ADARB1: variants seen among roughly 807,000 people sequenced by gnomAD.
The protein encoded by ADARB1 is adenosine deaminase RNA specific B1.
In ADARB1, 10 loss-of-function variants were observed where a neutral mutation model predicts 52.4. That is an observed-to-expected ratio of 0.19 (90% CI 0.12 to 0.32). ADARB1 has a LOEUF of 0.32. Among genes scored for constraint, ADARB1 ranks in the 10% least tolerant of loss-of-function variants. ADARB1 has a pLI of 1.00. For synonymous variants in ADARB1, 349 were observed against 371.1 expected (o/e 0.94, Z 0.68); for missense variants, 643 against 922.3 (o/e 0.70, Z 3.92).
intron 4 of ADARB1, 83 bp from the exon 5 acceptor site, chr21:45,180,247 G>A (rs2091880380): frequency 3.1e-6 from 3 of 959,022 alleles, no homozygotes; most frequent in Non-Finnish European, 5.0e-6. Flanking sequence ...ACTCCATAAG[G>A]GAGAGTGCGT....
chr21:45,097,558 T>C (rs1033655370), intron 1 of ADARB1, among the ~76,000 whole-genome samples: 7 of 152,016 alleles, frequency 4.6e-5, no homozygotes, highest in African/African-American at 1.5e-4. Flanking sequence ...GAGGGGCCGC[T>C]GTCCAGGCAG....
At chr21:45,175,664 A>T in intron 3 of ADARB1, 66 bp from the exon 4 acceptor site, 6 of 1,508,688 alleles carry the variant, frequency 4.0e-6, no homozygotes, top group Non-Finnish European at 5.5e-6. Flanking sequence ...AAAGGAATCT[A>T]TAAATTTTGC....
chr21:45,127,947 A>C (rs1166948765), intron 1 of ADARB1, among the ~76,000 whole-genome samples: 1 of 152,242 alleles, frequency 6.6e-6, no homozygotes, highest in Non-Finnish European at 1.5e-5. Flanking sequence ...CCTCTGCTTC[A>C]GAAGCAGAGG....
At chr21:45,101,403 TC>T (rs1393596224) in intron 1 of ADARB1, among the ~76,000 whole-genome samples, 1 of 152,236 alleles carries the variant, frequency 6.6e-6, no homozygotes, top group Non-Finnish European at 1.5e-5. Context: ...AGAGGATCTC[TC>T]CAGACACCTA....
chr21:45,215,808 CATTTT>C (rs940169257), intron 9 of ADARB1, among the ~76,000 whole-genome samples: 2 of 152,146 alleles, frequency 1.3e-5, no homozygotes, highest in Non-Finnish European at 2.9e-5. Context: ...ATTGGGCTAT[CATTTT>C]AGTTTAATGT....
In ADARB1 at chr21:45,087,017, A is replaced by T. The variant is rs528863931; in HGVS notation, c.-220+12224A>T. Among the ~76,000 whole-genome samples the T allele has an allele frequency of 3.9e-5, 6 of 152,322 alleles. No homozygotes were observed. The South Asian group carries it at 1.2e-3, about 32-fold the overall frequency. ...ATAATGTCGAGCAGAAGCTATTAGC[A>T]TTTCTTAAGCTGACCACCTGTGTTG... On this transcript the variant is annotated intron_variant, in intron 1 of 10. Coordinates refer to ENST00000348831, the MANE Select transcript of ADARB1 (RefSeq NM_001112.4).
At chr21:45,195,224 A>C (rs1345241046) in intron 8 of ADARB1, among the ~76,000 whole-genome samples, 1 of 152,016 alleles carries the variant, frequency 6.6e-6, no homozygotes, top group Non-Finnish European at 1.5e-5. Context: ...TGTCTGTTAA[A>C]TTTTTTTGGC....
chr21:45,225,842 G>A lies in ADARB1; in HGVS notation c.*3645G>A, dbSNP rs144872642. ...GTAAGTGGAAAGGGCATTGTGTTCC[G>A]TGTGTGTCCAGTTTACAGCGTCTCT... On this transcript the variant is annotated 3_prime_UTR_variant, in exon 11 of 11. Coordinates refer to ENST00000348831, the MANE Select transcript of ADARB1 (RefSeq NM_001112.4). 7.1e-5 allele frequency: 25 copies of A among 350,810 alleles called. No homozygotes were observed. Among genetic ancestry groups the A allele is most frequent in the Admixed American group, 1.9e-4 (4 of 21,208 alleles). The allele number at this position is 350,810 out of a possible 1,614,324, so 21.7% of individuals were successfully genotyped here.
intron 5 of ADARB1, 79 bp downstream of exon 5, chr21:45,180,523 C>G: frequency 9.7e-6 from 11 of 1,135,594 alleles, no homozygotes; most frequent in Non-Finnish European, 1.3e-5. Context: ...CGACAAAAAC[C>G]ACTGTGCCAC....
At chr21:45,191,842 T>A (rs1308169425) in intron 8 of ADARB1, among the ~76,000 whole-genome samples, 1 of 138,384 alleles carries the variant, frequency 7.2e-6, no homozygotes, top group African/African-American at 2.8e-5. Context: ...AGTGAAAACA[T>A]CCAGTCCATA....
intron 8 of ADARB1, among the ~76,000 whole-genome samples, chr21:45,203,007 G>A (rs1188596801): frequency 6.6e-6 from 1 of 151,836 alleles, no homozygotes; most frequent in Non-Finnish European, 1.5e-5. Context: ...CCTGCAGCGT[G>A]TGCCACACTG....
chr21:45,125,239 T>TGCAA (rs1246928793), intron 1 of ADARB1, among the ~76,000 whole-genome samples: 1 of 152,244 alleles, frequency 6.6e-6, no homozygotes, highest in African/African-American at 2.4e-5. Context: ...TCTTGCCGCC[T>TGCAA]GATGACCCAT....
intron 1 of ADARB1, among the ~76,000 whole-genome samples, chr21:45,113,149 G>C (rs994171556): frequency 1.3e-5 from 2 of 152,158 alleles, no homozygotes; most frequent in African/African-American, 2.4e-5. Flanking sequence ...AAATGGCCAG[G>C]CTCGGTGGCT....
intron 1 of ADARB1, among the ~76,000 whole-genome samples, chr21:45,126,064 T>A (rs1420397305): frequency 6.6e-6 from 1 of 152,256 alleles, no homozygotes. Flanking sequence ...GTGATTATTT[T>A]CTTTTGTCTA....
intron 1 of ADARB1, among the ~76,000 whole-genome samples, chr21:45,099,653 T>C (rs533274380): frequency 6.6e-6 from 1 of 152,232 alleles, no homozygotes; most frequent in South Asian, 2.1e-4. Context: ...AAATAAAAAA[T>C]AAAAATTTAC....
At chr21:45,199,078 G>T (rs1359665344) in intron 8 of ADARB1, among the ~76,000 whole-genome samples, 1 of 152,158 alleles carries the variant, frequency 6.6e-6, no homozygotes, top group Non-Finnish European at 1.5e-5. Context: ...CTGGTGATCA[G>T]GCCTGCCTGT....
rs1185333510 is a variant in ADARB1, at chr21:45,225,684, TCAAA to T, written c.*3490_*3493del. Reference sequence around the variant, plus strand: ...CATGTACAGTGGCTCTTTTTCCTTCTCAAACACTTTACCCCAGAAGCAGGTGGTC... The same window carrying T: ...CATGTACAGTGGCTCTTTTTCCTTCTCACTTTACCCCAGAAGCAGGTGGTC... On this transcript the variant is annotated 3_prime_UTR_variant, in exon 11 of 11. Coordinates refer to ENST00000348831, the MANE Select transcript of ADARB1 (RefSeq NM_001112.4). 4.7e-6 allele frequency: 4 copies of T among 859,742 alleles called. No individual in the cohort carries two copies. The African/African-American group carries it at 6.9e-5, about 15-fold the overall frequency. 53.3% of individuals were successfully genotyped at this position (859,742 alleles called of 1,614,324 possible).
Position 45,176,603 on chromosome 21 carries a change from T to C in ADARB1, c.902T>C (p.Leu301Ser), listed in dbSNP as rs2091705710. Residue 301 changes from leucine to serine, a missense_variant, in exon 4 of 11, where the codon TTG (leucine) becomes TCG (serine). Physicochemically the swap from Leu to Ser is moderately radical, Grantham distance 145. This residue lies in a region of ADARB1 where 380 missense variants were observed against 446.5 expected (regional missense o/e 0.85). Coordinates refer to ENST00000348831, the MANE Select transcript of ADARB1 (RefSeq NM_001112.4). This position sits in a 1 kb window ranked among gnomAD's most constrained non-coding sequence, Gnocchi z 5.8. ...SALAAIFNLH[L>S]DQTPSRQPIP... is the part of the protein sequence containing the mutation. ...CTGGCCGCCATTTTTAACTTGCACT[T>C]GGATCAGACGCCATCTCGCCAGCCT... 6.2e-7 allele frequency: 1 copy of C among 1,613,964 alleles called. No homozygotes were observed.
rs1032171059 is a variant in ADARB1, at chr21:45,216,021, CT to C, written c.1748-4814del. 1.6e-4 allele frequency among the ~76,000 whole-genome samples: 25 copies of C among 152,076 alleles called. 1 individual carries two copies. The highest frequency in any genetic ancestry group is 6.5e-5 in the Admixed American group (1 of 15,272). Reference sequence around the variant, plus strand: ...ATAGATTTAGGGCTATTCATGTTATCTGTTTTTATCTTTTTTCTTGAGTAAG... The same window carrying C: ...ATAGATTTAGGGCTATTCATGTTATCGTTTTTATCTTTTTTCTTGAGTAAG... On this transcript the variant is annotated intron_variant, in intron 9 of 10. Transcript: ENST00000348831.
Sources: allele counts gnomAD v4.1 joint callset (sites outside exome capture counted in the v4.1 genomes callset), GRCh38; gene constraint gnomAD v4.1.1; regional missense constraint gnomAD v4.1.1; non-coding constraint Gnocchi (gnomAD v3.1); transcripts MANE v1.5; gene names NCBI Gene and HGNC (gene_info 2026-07-23, HGNC 2026-07-21).